TBCB: variants seen among roughly 807,000 people sequenced by gnomAD.
TBCB encodes the protein tubulin folding cofactor B.
A neutral mutation model predicts 29.2 loss-of-function variants in TBCB; 18 were observed. The observed-to-expected ratio is 0.62, with a 90% CI of 0.43 to 0.91. The LOEUF (loss-of-function observed/expected upper bound fraction) is 0.91, where lower values mean the gene tolerates loss of function less well. Among genes scored for constraint, TBCB ranks in the 40% least tolerant of loss-of-function variants. The pLI, the probability that TBCB is intolerant of heterozygous loss-of-function variation, is 0.00. For missense variants in TBCB, 336 were observed against 337.6 expected, an observed-to-expected ratio of 1.00 and a Z score of 0.04; for synonymous variants, 172 against 137.8, an observed-to-expected ratio of 1.25 and a Z score of -1.74.
Position 36,120,810 on chromosome 19 carries a change from C to T in TBCB, c.355+4C>T, listed in dbSNP as rs772199820. 1.4e-5 allele frequency: 23 copies of T among 1,613,574 alleles called. No individual in the cohort carries two copies. The Admixed American group carries it at 1.5e-4, about 11-fold the overall frequency. On this transcript the variant is annotated splice_donor_region_variant and intron_variant, in intron 3 of 5. Transcript: ENST00000221855. ...GAAGCCTACGACCAGAGGCAAGGTA[C>T]GGGCAGGTGGGCGTCGAGGGGTGCG...
At chr19:36,115,843 G>C (rs1042935511) in intron 1 of TBCB, 169 bp downstream of exon 1, 77 of 1,053,682 alleles carry the variant, frequency 7.3e-5, no homozygotes, top group Non-Finnish European at 9.9e-5. Context: ...GAGAACTCGA[G>C]AGTGCAGAGA....
chr19:36,115,355 T>G, upstream of TBCB: 1 of 577,938 alleles, frequency 1.7e-6, no homozygotes, highest in Non-Finnish European at 3.1e-6. Context: ...TTGGCTGGGC[T>G]GGCCCAAGAG....
chr19:36,120,887 G>GCC (rs1974036458), intron 3 of TBCB, 81 bp downstream of exon 3: 6 of 1,360,544 alleles, frequency 4.4e-6, no homozygotes, highest in Non-Finnish European at 6.2e-6. Context: ...GTTAGACAGG[G>GCC]CCCCTGCAGG....
rs377670806 is a variant in TBCB at position 36,121,584 on chromosome 19, G to A, written c.413G>A (p.Arg138Gln). ...CTCGGCCGGTACAACGAGGAGGAGC[G>A]GGCTCAGCAGGAGGCCGAGGCCGCC... ...SKLGRYNEEERAQQEAEAAQR... is the reference protein window; with the variant it reads ...SKLGRYNEEEQAQQEAEAAQR... The change falls in exon 4 of 6, where the codon CGG becomes CAG. Residue 138 changes from arginine (R) to glutamine (Q), a missense_variant. Coordinates refer to ENST00000221855, the MANE Select transcript of TBCB (RefSeq NM_001281.3). 1.9e-6 allele frequency: 3 copies of A among 1,556,930 alleles called. No homozygotes were observed. Among genetic ancestry groups the A allele is most frequent in the South Asian group, 1.2e-5 (1 of 84,734 alleles).
Position 36,120,139 on chromosome 19 carries a change from C to T in TBCB, c.259-571C>T, listed in dbSNP as rs117692728. Among the ~76,000 whole-genome samples the T allele has an allele frequency of 9.8e-3, 1,499 of 152,304 alleles. 11 individuals are homozygous for T. The highest frequency in any genetic ancestry group is 0.041 in the South Asian group (200 of 4,826). On this transcript the variant is annotated intron_variant, in intron 2 of 5. Transcript: ENST00000221855. ...TCATATTTTTCTCCATAGCCATCCT[C>T]CAGTGTTTCATAGGTACCTGTTCCT...
intron 2 of TBCB, among the ~76,000 whole-genome samples, chr19:36,119,197 T>C (rs2145907367): frequency 6.6e-6 from 1 of 152,334 alleles, no homozygotes; most frequent in East Asian, 1.9e-4. Context: ...TTTCTCTTTA[T>C]AAATATCACC....
At position 36,124,938 on chromosome 19, in the gene TBCB, A is replaced by AT. The variant is rs554726725; in HGVS notation, c.548-503dup. ...TTCCTGTTGCCCACTTTGTAATGGG[A>AT]TTTTTTTTTTGCAAAGTGGGTGTTC... On this transcript the variant is annotated intron_variant, in intron 4 of 5. Transcript: ENST00000221855. Among the ~76,000 whole-genome samples the AT allele has an allele frequency of 3.9e-4, 59 of 149,626 alleles. 1 individual carries two copies. The South Asian group carries it at 4.2e-3, about 11-fold the overall frequency.
chr19:36,121,885 T>C, intron 4 of TBCB, 167 bp downstream of exon 4: 2 of 877,954 alleles, frequency 2.3e-6, no homozygotes, highest in East Asian at 2.7e-5. Flanking sequence ...CTGCCGACAC[T>C]GACGGCCCAG....
At chr19:36,123,919 C>A (rs753262434) in intron 4 of TBCB, among the ~76,000 whole-genome samples, 1 of 152,128 alleles carries the variant, frequency 6.6e-6, no homozygotes, top group Non-Finnish European at 1.5e-5. Flanking sequence ...GTTTTCATTT[C>A]TCTGTGCCTA....
At chr19:36,120,841 G>T in intron 3 of TBCB, 35 bp downstream of exon 3, 1 of 1,602,604 alleles carries the variant, frequency 6.2e-7, no homozygotes, top group Non-Finnish European at 8.5e-7. Flanking sequence ...GTGCGTGGGG[G>T]CCAGAGGGAG....
upstream of TBCB, chr19:36,115,150 A>G (rs917775785): frequency 8.7e-6 from 5 of 571,670 alleles, no homozygotes; most frequent in African/African-American, 7.6e-5. Context: ...CGTAAACCGC[A>G]AAACACTGAG....
chr19:36,119,256 A>T (rs1974004913), intron 2 of TBCB, among the ~76,000 whole-genome samples: 1 of 152,232 alleles, frequency 6.6e-6, no homozygotes, highest in South Asian at 2.1e-4. Flanking sequence ...GAAAATTCTC[A>T]ACAGAAATTC....
intron 1 of TBCB, 116 bp from the exon 2 acceptor site, chr19:36,115,924 GC>G: frequency 6.9e-7 from 1 of 1,448,198 alleles, no homozygotes; most frequent in Non-Finnish European, 9.4e-7. Flanking sequence ...CTGGATTGCG[GC>G]CCCGTGCGTC....
upstream of TBCB, chr19:36,115,277 G>C (rs768489222): frequency 8.4e-5 from 45 of 534,260 alleles, no homozygotes; most frequent in Admixed American, 2.5e-4. Context: ...TTCAGTCTTC[G>C]CCGCCTGTTC....
chr19:36,115,647 C>A lies in TBCB; in HGVS notation c.87C>A (p.Ser29Arg), dbSNP rs1258741518. 1 of 1,607,044 alleles carries A rather than the reference C, an allele frequency of 6.2e-7. No individual in the cohort carries two copies. Among genetic ancestry groups the A allele is most frequent in the East Asian group, 2.2e-5 (1 of 44,468 alleles). Reference sequence around the variant, plus strand: ...CCTTCCGCTCCGAGAAGCGATACAGCCGCAGCCTCACCATCGCTGAGTTCA... The same window carrying A: ...CCTTCCGCTCCGAGAAGCGATACAGACGCAGCCTCACCATCGCTGAGTTCA... ...LNTFRSEKRYSRSLTIAEFKC... is the reference protein window; with the variant it reads ...LNTFRSEKRYRRSLTIAEFKC... Residue 29 changes from serine to arginine, a missense_variant, in exon 1 of 6, where the codon AGC (serine) becomes AGA (arginine). Transcript: ENST00000221855.
intron 4 of TBCB, 103 bp from the exon 5 acceptor site, chr19:36,125,348 G>T: frequency 7.9e-7 from 1 of 1,269,618 alleles, no homozygotes; most frequent in Non-Finnish European, 1.1e-6. Flanking sequence ...ACCAAGACAG[G>T]CTTCTACTCA....
At chr19:36,121,243 GGAAGGCGGATGAT>G (rs1974044631) in intron 3 of TBCB, among the ~76,000 whole-genome samples, 2 of 151,984 alleles carry the variant, frequency 1.3e-5, no homozygotes, top group African/African-American at 4.8e-5. Flanking sequence ...GGGCGGAGGA[GGAAGGCGGATGAT>G]GAAGGCAGAT....
chr19:36,118,606 GGAGCTGGAAGTTGCAGT>G (rs1307986821), intron 2 of TBCB: 1 of 151,236 alleles, frequency 6.6e-6, no homozygotes, highest in Non-Finnish European at 1.5e-5. Flanking sequence ...CTTGAACCCA[GGAGCTGGAAGTTGCAGT>G]GAGCTGAGAT....
At chr19:36,117,645 C>T (rs955528016) in intron 2 of TBCB, 1 of 152,092 alleles carries the variant, frequency 6.6e-6, no homozygotes, top group Non-Finnish European at 1.5e-5. Flanking sequence ...AGCCACCACG[C>T]CCAGCCCTGT....
Sources: allele counts gnomAD v4.1 joint callset (sites outside exome capture counted in the v4.1 genomes callset), GRCh38; gene constraint gnomAD v4.1.1; transcripts MANE v1.5; gene names NCBI Gene and HGNC (gene_info 2026-07-23, HGNC 2026-07-21).